Variants in RP1 observed in about 807,000 individuals in gnomAD.
RP1 encodes the protein oxygen-regulated protein 1.
Under a neutral mutation model 14.8 loss-of-function variants are expected in RP1, and 16 were observed. That is an observed-to-expected ratio of 1.08 (90% CI 0.73 to 1.65). RP1 has a LOEUF of 1.65. RP1 is among the 40% of genes most tolerant of loss of function. RP1 has a pLI of 0.00. For missense variants in RP1, 2,631 were observed against 2,535.0 expected (o/e 1.04, Z -0.81); for synonymous variants, 876 against 883.6 (o/e 0.99, Z 0.15).
At position 54,801,835 on chromosome 8, in the gene RP1, G is replaced by C. The variant is rs546562745; in HGVS notation, c.3615+18125G>C. 3.9e-4 allele frequency among the ~76,000 whole-genome samples: 60 copies of C among 152,258 alleles called. 1 individual carries two copies. The South Asian group carries it at 0.011, about 29-fold the overall frequency. Reference sequence around the variant, plus strand: ...GTCCTGTTTCTCTCTGAAGAAACCTGTCTCTCTCCAGAGTTTGGTTAGATT... The same window carrying C: ...GTCCTGTTTCTCTCTGAAGAAACCTCTCTCTCTCCAGAGTTTGGTTAGATT... On this transcript the variant is annotated intron_variant, in intron 24 of 28. Coordinates refer to the RP1 transcript ENST00000637698.
intron 24 of RP1, among the ~76,000 whole-genome samples, chr8:54,793,247 A>G (rs996371250): frequency 1.3e-5 from 2 of 151,994 alleles, no homozygotes; most frequent in East Asian, 3.9e-4. Flanking sequence ...TCTACCAAAC[A>G]TTTAAGGAAT....
rs893434074 is a variant in RP1 at position 54,806,297 on chromosome 8, G to A, written c.3615+22587G>A. Among the ~76,000 whole-genome samples the A allele has an allele frequency of 4.6e-5, 7 of 152,134 alleles. No individual in the cohort carries two copies. The South Asian group carries it at 6.2e-4, about 14-fold the overall frequency. On this transcript the variant is annotated intron_variant, in intron 24 of 28. Transcript: ENST00000637698. ...CTCCCAAAGTGCTGGGATTACAAGC[G>A]TGAGCCATTGTGTCTGGCCGGGTTT...
At chr8:54,601,659 G>A (rs994068852) in intron 1 of RP1, among the ~76,000 whole-genome samples, 1 of 148,500 alleles carries the variant, frequency 6.7e-6, no homozygotes, top group Admixed American at 6.7e-5. Flanking sequence ...GTTCATAGAA[G>A]TATTATCTGC....
chr8:54,616,840 G>A (rs1028253697), intron 1 of RP1, among the ~76,000 whole-genome samples: 6 of 152,218 alleles, frequency 3.9e-5, no homozygotes, highest in African/African-American at 1.4e-4. Flanking sequence ...AAGTGAGTGA[G>A]AGAGTGAAGA....
intron 1 of RP1, among the ~76,000 whole-genome samples, chr8:54,571,992 G>C (rs1488618464): frequency 5.3e-5 from 8 of 152,114 alleles, no homozygotes; most frequent in Non-Finnish European, 1.2e-4. Flanking sequence ...CACAAGTACT[G>C]GGGGGAAGGA....
chr8:54,850,230 C>T (rs982136312), intron 25 of RP1, among the ~76,000 whole-genome samples: 4 of 152,168 alleles, frequency 2.6e-5, no homozygotes, highest in African/African-American at 9.7e-5. Context: ...AGAAGATTAT[C>T]TGTAGCCTGA....
chr8:54,779,197 G>A (rs906827554), intron 23 of RP1, among the ~76,000 whole-genome samples: 10 of 152,172 alleles, frequency 6.6e-5, no homozygotes, highest in African/African-American at 2.4e-4. Flanking sequence ...GAAGTGAGAG[G>A]CTGCAGTCTG....
rs267601949 is a variant in RP1 at position 54,624,712 on chromosome 8, C to T, written c.830C>T (p.Ser277Phe). 1.5e-5 allele frequency: 25 copies of T among 1,613,864 alleles called. No individual in the cohort carries two copies. Among genetic ancestry groups the T allele is most frequent in the Non-Finnish European group, 2.1e-5 (25 of 1,179,920 alleles). The stretch of plus-strand genomic sequence containing the variant: ...TCAAGCTCAAGGTCCCAGATTTATT[C>T]TGTTTCTTCTGAGAAAACACATAAT... ...MSSSSRSQIYSVSSEKTHNND... is the reference protein window; with the variant it reads ...MSSSSRSQIYFVSSEKTHNND... Residue 277 changes from serine (S) to phenylalanine (F), a missense_variant, in exon 4 of 4, where the codon TCT becomes TTT. By Grantham distance (155) the Ser-to-Phe change is radical (BLOSUM62 -2). Transcript: ENST00000220676.
rs749466309 is a variant in RP1 at position 54,584,615 on chromosome 8, G to A, written c.-13+25295G>A. On this transcript the variant is annotated intron_variant, in intron 1 of 22. Transcript: ENST00000636932. ...TGACAGTGGGGTGTTAAAGTCTCCC[G>A]TTATTATTGTGTGGGTGTCTAAGTC... Among the ~76,000 whole-genome samples, 11 of 152,026 alleles carry A rather than the reference G, an allele frequency of 7.2e-5. 1 individual carries two copies. The highest frequency in any genetic ancestry group is 4.1e-4 in the South Asian group (2 of 4,830).
In RP1 at chr8:54,656,202, AC is replaced by A; in HGVS notation, c.1160del (p.Pro387LeufsTer5). 6.5e-7 allele frequency: 1 copy of A among 1,535,374 alleles called. No individual in the cohort carries two copies. The highest frequency in any genetic ancestry group is 8.7e-7 in the Non-Finnish European group (1 of 1,146,660). On this transcript the variant is annotated frameshift_variant, in exon 6 of 23. Transcript: ENST00000636932. LOFTEE classifies it high-confidence loss of function. The stretch of plus-strand genomic sequence containing the variant: ...AATTTCCTCTTTTAAGTAAAGGACA[AC>A]CTGTCCTTCCAGGTAGGAAAGATTC...
chr8:54,605,730 C>T (rs142028701), intron 1 of RP1, among the ~76,000 whole-genome samples: 6,028 of 152,142 alleles, frequency 0.04, 409 homozygotes, highest in African/African-American at 0.14. Flanking sequence ...CTCCTGTATT[C>T]GGTGCTTATA....
chr8:54,772,798 T>A (rs141574501), downstream of RP1, among the ~76,000 whole-genome samples: 103 of 152,338 alleles, frequency 6.8e-4, no homozygotes, highest in African/African-American at 2.3e-3. Flanking sequence ...TAAAAATGTG[T>A]GTGTGAGAGA....
chr8:54,675,315 A>C (rs1807269926), intron 8 of RP1, among the ~76,000 whole-genome samples: 1 of 152,192 alleles, frequency 6.6e-6, no homozygotes, highest in East Asian at 1.9e-4. Flanking sequence ...TCACAATGAG[A>C]TTGTAAGAGT....
intron 7 of RP1, among the ~76,000 whole-genome samples, chr8:54,667,712 G>A (rs1807050376): frequency 6.6e-6 from 1 of 152,014 alleles, no homozygotes; most frequent in African/African-American, 2.4e-5. Flanking sequence ...ATTTGTATTT[G>A]TTTATTTGGT....
chr8:54,594,705 G>T (rs1805101190), intron 1 of RP1, among the ~76,000 whole-genome samples: 1 of 152,092 alleles, frequency 6.6e-6, no homozygotes, highest in Non-Finnish European at 1.5e-5. Flanking sequence ...TAAATGGAAA[G>T]AATTGAAACA....
intron 1 of RP1, among the ~76,000 whole-genome samples, chr8:54,595,158 C>CT (rs1439252261): frequency 6.8e-6 from 1 of 146,344 alleles, no homozygotes; most frequent in Non-Finnish European, 1.5e-5. Flanking sequence ...GAGATGGAGT[C>CT]TTTCTCTGTT....
chr8:54,852,888 G>A (rs1812088724), intron 26 of RP1, among the ~76,000 whole-genome samples: 1 of 152,150 alleles, frequency 6.6e-6, no homozygotes, highest in South Asian at 2.1e-4. Context: ...TATTGTTCTG[G>A]AGTTGAGTAG....
chr8:54,832,203 A>T (rs1260097136), intron 24 of RP1, among the ~76,000 whole-genome samples: 1 of 151,724 alleles, frequency 6.6e-6, no homozygotes, highest in Non-Finnish European at 1.5e-5. Context: ...AAGTTGAAAA[A>T]TTTCAATAAA....
At chr8:54,759,132 G>C in intron 22 of RP1, 4 of 190,868 alleles carry the variant, frequency 2.1e-5, no homozygotes, top group Non-Finnish European at 2.6e-5. Context: ...GGATGATGCT[G>C]TGTGTGTGTG....
Sources: allele counts gnomAD v4.1 joint callset (sites outside exome capture counted in the v4.1 genomes callset), GRCh38; gene constraint gnomAD v4.1.1; transcripts MANE v1.5; gene names NCBI Gene and HGNC (gene_info 2026-07-23, HGNC 2026-07-21).